The following DUSP16 variants were observed in gnomAD, a reference collection of about 807,000 sequenced individuals.
DUSP16 encodes dual specificity protein phosphatase 16.
Under a neutral mutation model 58.3 loss-of-function variants are expected in DUSP16, and 21 were observed. That is an observed-to-expected ratio of 0.36 (90% CI 0.26 to 0.52). DUSP16 has a LOEUF of 0.52. DUSP16 is among the 20% of genes least tolerant of loss of function. DUSP16 has a pLI of 0.94. For missense variants in DUSP16, 726 were observed against 819.0 expected, an observed-to-expected ratio of 0.89 and a Z score of 1.39; for synonymous variants, 320 against 323.8, an observed-to-expected ratio of 0.99 and a Z score of 0.12.
chr12:12,520,016 G>A lies in DUSP16; in HGVS notation c.229-16C>T, dbSNP rs139939875. The A allele has an allele frequency of 2.7e-5, 43 of 1,613,968 alleles. No individual in the cohort carries two copies. The highest frequency in any genetic ancestry group is 3.1e-5 in the Non-Finnish European group (37 of 1,179,898). On this transcript the variant is annotated splice_polypyrimidine_tract_variant and intron_variant, in intron 2 of 6. Coordinates refer to ENST00000298573, the MANE Select transcript of DUSP16 (RefSeq NM_030640.3). ...CAATGTCAACCTGAAATGCAAACAT[G>A]AGGCTTGTTAGGAAGAAGGTGAGAA...
At chr12:12,516,535 A>G (rs1361726230) in intron 3 of DUSP16, among the ~76,000 whole-genome samples, 1 of 152,246 alleles carries the variant, frequency 6.6e-6, no homozygotes, top group East Asian at 1.9e-4. Context: ...AAATATCAGT[A>G]TTTAAGGACC....
intron 3 of DUSP16, among the ~76,000 whole-genome samples, chr12:12,510,409 C>T (rs775620631): frequency 3.0e-4 from 45 of 152,180 alleles, no homozygotes; most frequent in Admixed American, 1.4e-3. Context: ...CTCAGGCTAT[C>T]CATGTGAAGC....
rs10845554 is a variant in DUSP16, at chr12:12,480,016, G to C, written c.815+207C>G. Among the ~76,000 whole-genome samples the C allele has an allele frequency of 0.27, 40,546 of 152,136 alleles. 6,121 individuals are homozygous for C. The highest frequency in any genetic ancestry group is 0.33 in the Non-Finnish European group (22,255 of 67,972). On this transcript the variant is annotated intron_variant, in intron 6 of 6. Coordinates refer to ENST00000298573, the MANE Select transcript of DUSP16 (RefSeq NM_030640.3). Reference sequence around the variant, plus strand: ...ATAAAAAGTGGCTGAGGATGAGTCTGACACATGTGAAGGCAGAATTAATGC... The same window carrying C: ...ATAAAAAGTGGCTGAGGATGAGTCTCACACATGTGAAGGCAGAATTAATGC...
At chr12:12,547,383 G>A (rs11054967) in intron 1 of DUSP16, among the ~76,000 whole-genome samples, 2,196 of 148,474 alleles carry the variant, frequency 0.015, 37 homozygotes, top group South Asian at 0.024. Flanking sequence ...CCGAGATAGC[G>A]CCACTGCACT....
chr12:12,503,328 C>A (rs1178155181), intron 3 of DUSP16, among the ~76,000 whole-genome samples: 1 of 149,872 alleles, frequency 6.7e-6, no homozygotes, highest in African/African-American at 2.5e-5. Flanking sequence ...CGGGTTCAAG[C>A]GATTCTCCTG....
At chr12:12,526,479 G>T (rs1944309881) in intron 1 of DUSP16, among the ~76,000 whole-genome samples, 1 of 152,180 alleles carries the variant, frequency 6.6e-6, no homozygotes, top group African/African-American at 2.4e-5. Flanking sequence ...TTTAAGAACT[G>T]TAAGTCTATT....
intron 3 of DUSP16, among the ~76,000 whole-genome samples, chr12:12,504,450 AG>A (rs1943955692): frequency 6.6e-6 from 1 of 151,952 alleles, no homozygotes; most frequent in Non-Finnish European, 1.5e-5. Context: ...TTGTAGAGAC[AG>A]GGTCCTTCCT....
intron 1 of DUSP16, among the ~76,000 whole-genome samples, chr12:12,532,234 ATACTGGAAAAGGCCTACATGTAT>A (rs1944400802): frequency 1.3e-5 from 2 of 152,256 alleles, no homozygotes; most frequent in African/African-American, 4.8e-5. Flanking sequence ...ACATGAAAAA[ATACTGGAAAAGGCCTACATGTAT>A]AAGAAAGGGA....
intron 5 of DUSP16, among the ~76,000 whole-genome samples, chr12:12,480,977 C>T (rs1416815083): frequency 6.6e-6 from 1 of 152,156 alleles, no homozygotes; most frequent in African/African-American, 2.4e-5. Flanking sequence ...CCTCAGCCTC[C>T]CAAAGTGCTG....
At chr12:12,529,303 T>TCTCA (rs143777607) in intron 1 of DUSP16, among the ~76,000 whole-genome samples, 2,058 of 152,138 alleles carry the variant, frequency 0.014, 49 homozygotes, top group African/African-American at 0.047. Flanking sequence ...AGAGACGGGG[T>TCTCA]CTCACTGTGT....
At position 12,476,968 on chromosome 12, in the gene DUSP16, C is replaced by T; in HGVS notation, c.1863G>A (p.Lys621=). 1 of 1,614,210 alleles carries T rather than the reference C, an allele frequency of 6.2e-7. No homozygotes were observed. The highest frequency in any genetic ancestry group is 8.5e-7 in the Non-Finnish European group (1 of 1,180,048). The part of the protein sequence containing the change: ...RSWHEESPFE[K]QFKRRSCQME... The stretch of plus-strand genomic sequence containing the variant: ...TTTGGCAGCTTCTGCGTTTAAACTG[C>T]TTTTCAAAGGGGCTCTCTTCATGCC... Residue 621 remains lysine, a synonymous_variant, in exon 7 of 7, where the codon AAG becomes AAA. Coordinates refer to ENST00000298573, the MANE Select transcript of DUSP16 (RefSeq NM_030640.3).
At chr12:12,507,318 G>C (rs1944011189) in intron 3 of DUSP16, among the ~76,000 whole-genome samples, 1 of 152,178 alleles carries the variant, frequency 6.6e-6, no homozygotes. Context: ...CCTGCAGGGA[G>C]AGACAGAGGG....
chr12:12,527,860 C>T (rs1944327587), intron 1 of DUSP16, among the ~76,000 whole-genome samples: 1 of 152,166 alleles, frequency 6.6e-6, no homozygotes, highest in Admixed American at 6.5e-5. Flanking sequence ...CTGTTGAAAG[C>T]CGCCCCTCCA....
At chr12:12,498,240 T>C (rs531973944) in intron 4 of DUSP16, among the ~76,000 whole-genome samples, 3 of 152,238 alleles carry the variant, frequency 2.0e-5, no homozygotes, top group Admixed American at 6.5e-5. Context: ...CTCAACTGGA[T>C]AATGTTGGGG....
chr12:12,550,670 T>C (rs934126274), intron 1 of DUSP16, among the ~76,000 whole-genome samples: 30 of 152,002 alleles, frequency 2.0e-4, no homozygotes, highest in African/African-American at 7.0e-4. Context: ...TGAGAACACA[T>C]GGACACTGGG....
intron 4 of DUSP16, among the ~76,000 whole-genome samples, chr12:12,492,259 T>C (rs2136203119): frequency 6.6e-6 from 1 of 152,304 alleles, no homozygotes; most frequent in East Asian, 1.9e-4. Context: ...TCAAACTCCC[T>C]ATATGTCCCC....
chr12:12,493,007 CTCA>C (rs1167680248), intron 4 of DUSP16, among the ~76,000 whole-genome samples: 1 of 152,116 alleles, frequency 6.6e-6, no homozygotes, highest in East Asian at 1.9e-4. Context: ...CAATCCTTTT[CTCA>C]TCTATATTTT....
chr12:12,529,027 T>TAAAAA (rs373598432), intron 1 of DUSP16, among the ~76,000 whole-genome samples: 1 of 152,180 alleles, frequency 6.6e-6, no homozygotes, highest in African/African-American at 2.4e-5. Flanking sequence ...CAAATACCAA[T>TAAAAA]AAAAGATGTG....
intron 1 of DUSP16, among the ~76,000 whole-genome samples, chr12:12,532,122 C>G (rs1325254216): frequency 6.6e-6 from 1 of 152,034 alleles, no homozygotes; most frequent in East Asian, 1.9e-4. Flanking sequence ...TGCGCCACTG[C>G]AGTCCGCAGT....
Sources: allele counts gnomAD v4.1 joint callset (sites outside exome capture counted in the v4.1 genomes callset), GRCh38; gene constraint gnomAD v4.1.1; transcripts MANE v1.5; gene names NCBI Gene and HGNC (gene_info 2026-07-23, HGNC 2026-07-21).